Variants in GRM8 observed in about 807,000 individuals in gnomAD.
GRM8 encodes metabotropic glutamate receptor 8.
GRM8 carries 47 observed loss-of-function variants against 87.2 expected under a neutral mutation model. The observed-to-expected ratio is 0.54, with a 90% confidence interval of 0.43 to 0.69. The LOEUF (loss-of-function observed/expected upper bound fraction) is 0.69. GRM8 is among the 30% of genes least tolerant of loss of function. The probability of loss-of-function intolerance (pLI) is 0.00; values close to 1 mark genes in which losing one functional copy is unlikely to be tolerated. For synonymous variants in GRM8, 396 were observed against 404.5 expected (o/e 0.98, Z 0.25); for missense variants, 1,019 against 1,139.2 (o/e 0.89, Z 1.52).
At chr7:127,094,517 T>C (rs564737777) in intron 3 of GRM8, among the ~76,000 whole-genome samples, 2 of 152,270 alleles carry the variant, frequency 1.3e-5, no homozygotes, top group Admixed American at 6.5e-5. Context: ...AAAGCAGAGA[T>C]TGAAGTGATG....
At chr7:126,626,117 T>A (rs1028143881) in intron 7 of GRM8, among the ~76,000 whole-genome samples, 2 of 151,978 alleles carry the variant, frequency 1.3e-5, no homozygotes, top group Non-Finnish European at 2.9e-5. Context: ...TGTGTGTGTG[T>A]GTGTGTGTGT....
chr7:127,012,576 C>G (rs990720978), intron 3 of GRM8, among the ~76,000 whole-genome samples: 13 of 152,154 alleles, frequency 8.5e-5, no homozygotes, highest in African/African-American at 3.1e-4. Context: ...ATAATGAAAG[C>G]ATTTGCTTAT....
chr7:126,748,029 T>G (rs550600904), intron 7 of GRM8, among the ~76,000 whole-genome samples: 3 of 152,160 alleles, frequency 2.0e-5, no homozygotes, highest in African/African-American at 7.2e-5. Flanking sequence ...TTTTCTAGAT[T>G]TACCTATATT....
intron 6 of GRM8, among the ~76,000 whole-genome samples, chr7:126,850,496 G>A (rs76335349): frequency 0.063 from 9,551 of 152,208 alleles, 394 homozygotes; most frequent in Non-Finnish European, 0.096. Flanking sequence ...CTCATACATA[G>A]GTAACCATGA....
At chr7:127,102,809 C>G (rs1350358384) in intron 3 of GRM8, among the ~76,000 whole-genome samples, 1 of 152,176 alleles carries the variant, frequency 6.6e-6, no homozygotes, top group Non-Finnish European at 1.5e-5. Context: ...AGCCCCCACA[C>G]AGAGTCCCCA....
intron 9 of GRM8, among the ~76,000 whole-genome samples, chr7:126,475,671 G>A (rs1372462065): frequency 1.3e-5 from 2 of 152,112 alleles, no homozygotes; most frequent in Admixed American, 1.3e-4. Context: ...GTAATCTTGA[G>A]AAAGAAGAAC....
At chr7:126,481,459 A>G (rs1806664644) in intron 9 of GRM8, among the ~76,000 whole-genome samples, 1 of 152,088 alleles carries the variant, frequency 6.6e-6, no homozygotes. Flanking sequence ...GTAATAAAAC[A>G]TATTACTGCA....
intron 7 of GRM8, among the ~76,000 whole-genome samples, chr7:126,698,166 G>A (rs961798273): frequency 6.6e-6 from 1 of 152,130 alleles, no homozygotes; most frequent in Non-Finnish European, 1.5e-5. Flanking sequence ...TGAGGCTGCC[G>A]CTTCTCTGGT....
chr7:127,035,233 G>A lies in GRM8; in HGVS notation c.727+71263C>T, dbSNP rs563587669. Among the ~76,000 whole-genome samples the A allele has an allele frequency of 1.6e-3, 249 of 152,116 alleles. 1 individual carries two copies. Among genetic ancestry groups the A allele is most frequent in the Non-Finnish European group, 2.9e-3 (199 of 68,032 alleles). On this transcript the variant is annotated intron_variant, in intron 3 of 10. Transcript: ENST00000339582. ...CAAGATCACTAGCCCAGATCCCCTG[G>A]AAAACACCATAGAATCATTTCAAAG...
intron 6 of GRM8, among the ~76,000 whole-genome samples, chr7:126,798,890 A>G (rs1002559786): frequency 1.3e-5 from 2 of 152,112 alleles, no homozygotes; most frequent in Non-Finnish European, 2.9e-5. Context: ...TCTGTGTTCA[A>G]CGAATGTGGA....
At chr7:126,900,916 T>C (rs1802013259) in intron 6 of GRM8, among the ~76,000 whole-genome samples, 1 of 152,140 alleles carries the variant, frequency 6.6e-6, no homozygotes. Flanking sequence ...TCTTCACACT[T>C]CTGCCAGGCA....
intron 3 of GRM8, among the ~76,000 whole-genome samples, chr7:126,948,459 G>A (rs1479326655): frequency 6.7e-6 from 1 of 148,228 alleles, no homozygotes; most frequent in Non-Finnish European, 1.5e-5. Flanking sequence ...GGAATGTCAG[G>A]AGGCATAAAG....
intron 7 of GRM8, among the ~76,000 whole-genome samples, chr7:126,656,858 C>A (rs558777364): frequency 1.6e-4 from 24 of 152,170 alleles, no homozygotes; most frequent in African/African-American, 5.8e-4. Flanking sequence ...GTAAGCATAG[C>A]CTTTAAAAGC....
intron 9 of GRM8, among the ~76,000 whole-genome samples, chr7:126,459,270 G>A (rs1320073348): frequency 6.6e-6 from 1 of 151,420 alleles, no homozygotes; most frequent in Non-Finnish European, 1.5e-5. Context: ...GATATTAGAA[G>A]TGAGAAAACA....
At chr7:127,122,806 T>TA (rs1236047708) in intron 2 of GRM8, among the ~76,000 whole-genome samples, 3 of 151,684 alleles carry the variant, frequency 2.0e-5, no homozygotes, top group Non-Finnish European at 2.9e-5. Context: ...AATACTGAGA[T>TA]AAAAAAAATT....
chr7:126,809,071 G>A (rs191117357), intron 6 of GRM8, among the ~76,000 whole-genome samples: 31 of 152,250 alleles, frequency 2.0e-4, no homozygotes, highest in Admixed American at 1.8e-3. Flanking sequence ...GTTCCCTTGC[G>A]TATTTTATCT....
intron 3 of GRM8, among the ~76,000 whole-genome samples, chr7:127,015,419 T>C (rs17865523): frequency 0.011 from 1,676 of 152,156 alleles, 24 homozygotes; most frequent in African/African-American, 0.037. Context: ...AGCTGGAATG[T>C]TTCTTTGGGA....
chr7:126,579,308 AC>A (rs1335059563), intron 8 of GRM8, among the ~76,000 whole-genome samples: 1 of 152,210 alleles, frequency 6.6e-6, no homozygotes, highest in Non-Finnish European at 1.5e-5. Context: ...ATACAAAATG[AC>A]TATGGCTCCC....
chr7:126,806,900 G>A (rs1352822474), intron 6 of GRM8, among the ~76,000 whole-genome samples: 1 of 152,222 alleles, frequency 6.6e-6, no homozygotes, highest in Admixed American at 6.5e-5. Flanking sequence ...CTCCCCGCGA[G>A]CAGAGGGAGC....
Sources: gnomAD v4.1 joint callset for allele counts (sites outside exome capture counted in the v4.1 genomes callset) on GRCh38, gnomAD v4.1.1 for gene constraint, MANE v1.5 for transcripts, NCBI Gene and HGNC (gene_info 2026-07-23, HGNC 2026-07-21) for gene names.